SLC43A2: variants seen among roughly 807,000 people sequenced by gnomAD.
The protein encoded by SLC43A2 is large neutral amino acids transporter small subunit 4.
A neutral mutation model predicts 63.2 loss-of-function variants in SLC43A2; 38 were observed. That is an observed-to-expected ratio of 0.60 (90% confidence interval 0.46 to 0.79). The LOEUF is 0.79. SLC43A2 is among the 30% of genes least tolerant of loss of function. The probability of loss-of-function intolerance (pLI) is 0.00; values close to 1 mark genes in which losing one functional copy is unlikely to be tolerated. For synonymous variants in SLC43A2, 322 were observed against 331.0 expected (o/e 0.97, Z 0.30); for missense variants, 644 against 756.2 (o/e 0.85, Z 1.74).
chr17:1,585,871 G>T, intron 10 of SLC43A2, 42 bp downstream of exon 10: 1 of 1,612,630 alleles, frequency 6.2e-7, no homozygotes, highest in Non-Finnish European at 8.5e-7. Flanking sequence ...TTTCTGCAGG[G>T]GCTGCGGGCT....
Position 1,574,846 on chromosome 17 carries a change from A to G in SLC43A2, c.*758T>C, listed in dbSNP as rs548208726. The G allele has an allele frequency of 1.3e-5, 2 of 152,608 alleles. No individual in the cohort carries two copies. Among genetic ancestry groups the G allele is most frequent in the African/African-American group, 4.8e-5 (2 of 41,550 alleles). The allele number at this position is 152,608 out of a possible 1,614,324, so 9.5% of individuals were successfully genotyped here. A position where few individuals can be genotyped will look rare whatever the true frequency, so the allele number is the denominator to read the frequency against. On this transcript the variant is annotated 3_prime_UTR_variant, in exon 14 of 14. Coordinates refer to ENST00000301335, the MANE Select transcript of SLC43A2 (RefSeq NM_152346.3). ...ACAGCCTTTCGTCCACCTCCACAAA[A>G]GCAGCTGTGTGTATGTACGGGGTGC...
rs1472783734 is a variant in SLC43A2 at position 1,585,893 on chromosome 17, C to T, written c.1217+20G>A. The stretch of plus-strand genomic sequence containing the variant: ...AGGGGCTGCGGGCTGGGAGCCGGGG[C>T]ACCGGCCCTGCCTACGCACTGGTTG... On this transcript the variant is annotated intron_variant, in intron 10 of 13. Transcript: ENST00000301335. 1.3e-5 allele frequency: 21 copies of T among 1,613,432 alleles called. No individual in the cohort carries two copies. The highest frequency in any genetic ancestry group is 2.2e-5 in the East Asian group (1 of 44,882).
At chr17:1,600,144 A>ATATATG (rs1567630755) in intron 5 of SLC43A2, among the ~76,000 whole-genome samples, 1 of 75,208 alleles carries the variant, frequency 1.3e-5, no homozygotes, top group Admixed American at 2.0e-4. Flanking sequence ...GAATATATAT[A>ATATATG]TATATATATT....
chr17:1,604,802 C>T, intron 5 of SLC43A2: 1 of 1,535,788 alleles, frequency 6.5e-7, no homozygotes, highest in Non-Finnish European at 8.7e-7. Flanking sequence ...GATGGGCTTG[C>T]ATTTGCCTGT....
chr17:1,614,984 G>A lies in SLC43A2; in HGVS notation c.419C>T (p.Pro140Leu), dbSNP rs760870489. 1 of 1,613,910 alleles carries A rather than the reference G, an allele frequency of 6.2e-7. No homozygotes were observed. Among genetic ancestry groups the A allele is most frequent in the Admixed American group, 1.7e-5 (1 of 59,966 alleles). Residue 140 changes from proline to leucine, a missense_variant, in exon 4 of 14, where the codon CCA (proline) becomes CTA (leucine). This residue lies in a region of SLC43A2 where 528 missense variants were observed against 623.6 expected (regional missense o/e 0.85). Transcript: ENST00000301335. Reference protein sequence around the residue: ...CLLIAYGASKPNALSVLIFIA... With the variant: ...CLLIAYGASKLNALSVLIFIA... ...TGGAGGGAGAGGACACTCACCGTTT[G>A]GTTTACTTGCTCCGTACGCAATCAG...
intron 2 of SLC43A2, among the ~76,000 whole-genome samples, chr17:1,624,048 A>G (rs1908428067): frequency 6.6e-6 from 1 of 152,196 alleles, no homozygotes; most frequent in Non-Finnish European, 1.5e-5. Flanking sequence ...CGGGTTACAC[A>G]GGTATGCGTG....
At chr17:1,626,937 G>A (rs1422600700) in intron 2 of SLC43A2, among the ~76,000 whole-genome samples, 1 of 152,146 alleles carries the variant, frequency 6.6e-6, no homozygotes, top group Non-Finnish European at 1.5e-5. Flanking sequence ...GTAGTCATCA[G>A]GACCCTCCAA....
At chr17:1,598,591 A>G (rs763075526) in intron 5 of SLC43A2, among the ~76,000 whole-genome samples, 5 of 152,196 alleles carry the variant, frequency 3.3e-5, no homozygotes, top group African/African-American at 7.2e-5. Context: ...GAGCTAGAGA[A>G]TGTTCCGGAA....
intron 6 of SLC43A2, 40 bp from the exon 7 acceptor site, chr17:1,591,739 G>GGGGGGGGGGGGGGCC: frequency 2.0e-6 from 1 of 512,308 alleles, no homozygotes; most frequent in Non-Finnish European, 3.9e-6. Flanking sequence ...GGGGGAGGGG[G>GGGGGGGGGGGGGGCC]CAGAGTTAGC....
At chr17:1,597,320 T>C (rs555984545) in intron 5 of SLC43A2, among the ~76,000 whole-genome samples, 87 of 148,070 alleles carry the variant, frequency 5.9e-4, no homozygotes, top group African/African-American at 1.9e-3. Context: ...CTGGCGAACA[T>C]GGTGAAACCC....
intron 2 of SLC43A2, among the ~76,000 whole-genome samples, chr17:1,621,367 G>A (rs914514236): frequency 7.9e-5 from 12 of 152,188 alleles, no homozygotes; most frequent in South Asian, 4.1e-4. Context: ...GTCGCTTTCC[G>A]AGCCCCCCCT....
chr17:1,624,500 C>T (rs571221880), intron 2 of SLC43A2, among the ~76,000 whole-genome samples: 2 of 151,830 alleles, frequency 1.3e-5, no homozygotes, highest in South Asian at 2.1e-4. Context: ...GTCAGGAGTT[C>T]GAGACCAGCC....
At chr17:1,602,395 C>G (rs1438262926) in intron 5 of SLC43A2, among the ~76,000 whole-genome samples, 1 of 152,072 alleles carries the variant, frequency 6.6e-6, no homozygotes, top group Non-Finnish European at 1.5e-5. Context: ...CCTGTAATCC[C>G]AGCACTTTCA....
chr17:1,616,331 T>C (rs1907659251), intron 3 of SLC43A2: 2 of 556,370 alleles, frequency 3.6e-6, no homozygotes, highest in East Asian at 5.9e-5. Context: ...GCAGCTCCGG[T>C]CCCTGGGCGG....
chr17:1,585,354 G>A (rs940773953), intron 10 of SLC43A2: 62 of 535,486 alleles, frequency 1.2e-4, no homozygotes, highest in Middle Eastern at 8.8e-4. Flanking sequence ...CAATTCTCGC[G>A]CCTCAGCCTC....
intron 9 of SLC43A2, chr17:1,586,930 C>CCCCCCCCCCCCCCCCTCCCCTGG: frequency 1.3e-6 from 1 of 783,190 alleles, no homozygotes. Context: ...CCTGACAATC[C>CCCCCCCCCCCCCCCCTCCCCTGG]CCCCCACCCC....
At chr17:1,615,699 C>G (rs934150541) in intron 3 of SLC43A2, among the ~76,000 whole-genome samples, 1 of 148,372 alleles carries the variant, frequency 6.7e-6, no homozygotes, top group Non-Finnish European at 1.5e-5. Flanking sequence ...AAAAATTAGC[C>G]GGGCGTGGTG....
chr17:1,587,904 C>T (rs1043594427), intron 9 of SLC43A2, among the ~76,000 whole-genome samples: 1 of 152,236 alleles, frequency 6.6e-6, no homozygotes, highest in Admixed American at 6.5e-5. Context: ...CCTCTGTACC[C>T]TGCTCCCATT....
intron 9 of SLC43A2, among the ~76,000 whole-genome samples, chr17:1,589,835 G>C (rs947010562): frequency 6.6e-6 from 1 of 152,124 alleles, no homozygotes. Flanking sequence ...TGGCCAGGCT[G>C]GTCTTGAACT....
Sources: allele counts gnomAD v4.1 joint callset (sites outside exome capture counted in the v4.1 genomes callset), GRCh38; gene constraint gnomAD v4.1.1; regional missense constraint gnomAD v4.1.1; transcripts MANE v1.5; gene names NCBI Gene and HGNC (gene_info 2026-07-23, HGNC 2026-07-21).